Variants in GATAD2B observed in about 807,000 individuals in gnomAD.
GATAD2B encodes the protein GATA zinc finger domain containing 2B, also known as transcriptional repressor p66-beta.
GATAD2B carries 8 observed loss-of-function variants against 64.3 expected under a neutral mutation model. The observed-to-expected ratio is 0.12, with a 90% CI of 0.07 to 0.22. The LOEUF (loss-of-function observed/expected upper bound fraction) is 0.22, where lower values mean the gene tolerates loss of function less well. GATAD2B is among the 10% of genes least tolerant of loss of function. The pLI is 1.00. For synonymous variants in GATAD2B, 281 were observed against 271.3 expected, an observed-to-expected ratio of 1.04 and a Z score of -0.35; for missense variants, 453 against 752.0, an observed-to-expected ratio of 0.60 and a Z score of 4.65.
At chr1:153,868,829 G>C (rs1252233895) in intron 1 of GATAD2B, among the ~76,000 whole-genome samples, 1 of 151,354 alleles carries the variant, frequency 6.6e-6, no homozygotes, top group Non-Finnish European at 1.5e-5. Flanking sequence ...TCCCCTCCTG[G>C]GTTCAAGCCA....
At chr1:153,919,169 C>T (rs978598665) in intron 1 of GATAD2B, among the ~76,000 whole-genome samples, 1 of 152,146 alleles carries the variant, frequency 6.6e-6, no homozygotes, top group African/African-American at 2.4e-5. Context: ...TCAAAAGTAA[C>T]GAATGATGTG....
chr1:153,898,979 G>T (rs1271278416), intron 1 of GATAD2B: 3 of 152,144 alleles, frequency 2.0e-5, no homozygotes, highest in Non-Finnish European at 4.4e-5. Flanking sequence ...TCCTGAAGTT[G>T]CCCCTGATTT....
intron 1 of GATAD2B, among the ~76,000 whole-genome samples, chr1:153,849,372 CTTAATA>C (rs1324066823): frequency 2.0e-5 from 3 of 152,200 alleles, no homozygotes; most frequent in Non-Finnish European, 4.4e-5. Flanking sequence ...GGTCCCACTT[CTTAATA>C]TTATTACAAT....
At chr1:153,835,835 G>T (rs981815219) in intron 1 of GATAD2B, among the ~76,000 whole-genome samples, 11 of 151,820 alleles carry the variant, frequency 7.2e-5, no homozygotes, top group African/African-American at 2.7e-4. Context: ...CGATTCTACT[G>T]CCTCAGCCTC....
chr1:153,859,436 C>G (rs4489596), intron 1 of GATAD2B, among the ~76,000 whole-genome samples: 15 of 151,396 alleles, frequency 9.9e-5, no homozygotes, highest in African/African-American at 3.6e-4. Flanking sequence ...TTGGGAGACC[C>G]AGGTGGGTGG....
intron 1 of GATAD2B, among the ~76,000 whole-genome samples, chr1:153,862,411 T>A (rs1676336384): frequency 6.6e-6 from 1 of 151,738 alleles, no homozygotes; most frequent in African/African-American, 2.4e-5. Flanking sequence ...GCATGAGCCA[T>A]CACTCCCAGC....
intron 7 of GATAD2B, among the ~76,000 whole-genome samples, chr1:153,814,354 G>C (rs554382580): frequency 3.4e-4 from 52 of 152,274 alleles, no homozygotes; most frequent in African/African-American, 1.2e-3. Context: ...TTTAGTATTG[G>C]TTTACAGCTT....
intron 1 of GATAD2B, among the ~76,000 whole-genome samples, chr1:153,899,581 A>C (rs908698897): frequency 6.6e-6 from 1 of 151,976 alleles, no homozygotes; most frequent in Non-Finnish European, 1.5e-5. Flanking sequence ...AAAGAAAAAA[A>C]AAAAAAGCCT....
chr1:153,875,683 GAAAAAAAAAAAA>G (rs11340415), intron 1 of GATAD2B, among the ~76,000 whole-genome samples: 2 of 78,412 alleles, frequency 2.6e-5, no homozygotes, highest in East Asian at 4.4e-4. Flanking sequence ...AGTTTGGAGG[GAAAAAAAAAAAA>G]AAAAAAAAAA....
chr1:153,852,080 A>G, intron 1 of GATAD2B: 1 of 554,044 alleles, frequency 1.8e-6, no homozygotes, highest in East Asian at 3.0e-5. Flanking sequence ...CGCATCATTC[A>G]CTGGTGACAG....
At chr1:153,823,532 T>TCTA (rs1398656757) in intron 2 of GATAD2B, among the ~76,000 whole-genome samples, 1 of 152,132 alleles carries the variant, frequency 6.6e-6, no homozygotes, top group African/African-American at 2.4e-5. Flanking sequence ...TTTTTCTTGG[T>TCTA]AGAGATGAGG....
chr1:153,842,954 CTTTT>C (rs11424016), intron 1 of GATAD2B, among the ~76,000 whole-genome samples: 2 of 117,480 alleles, frequency 1.7e-5, no homozygotes, highest in Non-Finnish European at 1.7e-5. Flanking sequence ...CTCGCCCAGC[CTTTT>C]TTTTTTTTTT....
At chr1:153,838,934 AG>A (rs1675370795) in intron 1 of GATAD2B, among the ~76,000 whole-genome samples, 2 of 151,952 alleles carry the variant, frequency 1.3e-5, no homozygotes, top group Non-Finnish European at 2.9e-5. Context: ...GCATGGCAAA[AG>A]CTTGTCTCTA....
intron 9 of GATAD2B, 56 bp downstream of exon 9, chr1:153,811,966 G>A: frequency 7.6e-7 from 1 of 1,318,750 alleles, no homozygotes; most frequent in Non-Finnish European, 1.1e-6. Context: ...GACAAATTGT[G>A]ATAAATGGCT....
At chr1:153,878,403 G>A (rs1676902351) in intron 1 of GATAD2B, among the ~76,000 whole-genome samples, 1 of 152,050 alleles carries the variant, frequency 6.6e-6, no homozygotes, top group South Asian at 2.1e-4. Flanking sequence ...TGGGATTACG[G>A]CTGTGAGCCA....
At chr1:153,904,029 C>G (rs1249952216) in intron 1 of GATAD2B, among the ~76,000 whole-genome samples, 1 of 152,028 alleles carries the variant, frequency 6.6e-6, no homozygotes, top group Non-Finnish European at 1.5e-5. Flanking sequence ...GCCTGTAATC[C>G]CAGCACTTCG....
At chr1:153,846,370 T>C (rs572122109) in intron 1 of GATAD2B, among the ~76,000 whole-genome samples, 1 of 152,018 alleles carries the variant, frequency 6.6e-6, no homozygotes, top group Admixed American at 6.6e-5. Context: ...GTAGCTGGGA[T>C]TACAGGTGTG....
rs1244577791 is a variant in GATAD2B, at chr1:153,839,179, A to AAAAAG, written c.-1-10836_-1-10832dup. On this transcript the variant is annotated intron_variant, in intron 1 of 10. Transcript: ENST00000368655. Reference sequence around the variant, plus strand: ...TAGTTGTGTCAAACAACTAGAGCAGAAAAAGAAAAATGTCCAACTTTAAAC... The same window carrying AAAAAG: ...TAGTTGTGTCAAACAACTAGAGCAGAAAAAGAAAAGAAAAATGTCCAACTTTAAAC... 2.0e-5 allele frequency among the ~76,000 whole-genome samples: 3 copies of AAAAAG among 152,090 alleles called. No individual in the cohort carries two copies. The East Asian group carries it at 5.8e-4, about 29-fold the overall frequency.
intron 1 of GATAD2B, among the ~76,000 whole-genome samples, chr1:153,888,607 T>G (rs1037190515): frequency 6.6e-6 from 1 of 152,232 alleles, no homozygotes; most frequent in African/African-American, 2.4e-5. Context: ...AAAATTAAAC[T>G]TGAACATCTA....
Sources: gnomAD v4.1 joint callset for allele counts (sites outside exome capture counted in the v4.1 genomes callset) on GRCh38, gnomAD v4.1.1 for gene constraint, MANE v1.5 for transcripts, NCBI Gene and HGNC (gene_info 2026-07-23, HGNC 2026-07-21) for gene names.